Variants in PRKD1 observed in about 807,000 individuals in gnomAD.
The protein encoded by PRKD1 is protein kinase D1.
PRKD1 carries 63 observed loss-of-function variants against 95.9 expected under a neutral mutation model. That is an observed-to-expected ratio of 0.66 (90% confidence interval 0.54 to 0.81). The LOEUF is 0.81. Ranked by LOEUF, PRKD1 falls within the 30% of genes least tolerant of loss-of-function variation. PRKD1 has a pLI of 0.00. For missense variants in PRKD1, 1,048 were observed against 1,165.3 expected, an observed-to-expected ratio of 0.90 and a Z score of 1.47; for synonymous variants, 425 against 423.1, an observed-to-expected ratio of 1.00 and a Z score of -0.05.
At chr14:29,910,934 G>C (rs1373173290) in intron 1 of PRKD1, among the ~76,000 whole-genome samples, 2 of 152,134 alleles carry the variant, frequency 1.3e-5, no homozygotes, top group African/African-American at 4.8e-5. Context: ...TCCAGAAATT[G>C]TGTGGAATCA....
chr14:29,655,452 A>G (rs1265877526), intron 4 of PRKD1, among the ~76,000 whole-genome samples: 1 of 152,192 alleles, frequency 6.6e-6, no homozygotes, highest in East Asian at 1.9e-4. Flanking sequence ...CCGTAACAAG[A>G]CCATCTTAGA....
intron 4 of PRKD1, among the ~76,000 whole-genome samples, chr14:29,647,043 C>T (rs1881170485): frequency 6.6e-6 from 1 of 151,942 alleles, no homozygotes; most frequent in Non-Finnish European, 1.5e-5. Flanking sequence ...ATCTAATCAA[C>T]ACCTTTTCAC....
chr14:29,909,210 G>C (rs544048629), intron 1 of PRKD1, among the ~76,000 whole-genome samples: 6 of 152,174 alleles, frequency 3.9e-5, no homozygotes, highest in African/African-American at 1.4e-4. Context: ...TTGAATTCTC[G>C]CAGGGCCTCA....
chr14:29,884,583 A>G (rs549359188), intron 1 of PRKD1, among the ~76,000 whole-genome samples: 3 of 152,242 alleles, frequency 2.0e-5, no homozygotes, highest in Non-Finnish European at 4.4e-5. Context: ...GTCATTCAAC[A>G]AACATCTAAC....
At chr14:29,644,133 T>A (rs902980931) in intron 4 of PRKD1, among the ~76,000 whole-genome samples, 14 of 152,322 alleles carry the variant, frequency 9.2e-5, no homozygotes, top group Middle Eastern at 3.4e-3. Context: ...AATAGAAATA[T>A]TTAATATACA....
intron 2 of PRKD1, among the ~76,000 whole-genome samples, chr14:29,685,022 CCTT>C (rs1482765469): frequency 4.6e-5 from 7 of 152,170 alleles, no homozygotes; most frequent in Non-Finnish European, 1.0e-4. Flanking sequence ...AGGATGGAGT[CCTT>C]CTTTGGTGTA....
At chr14:29,588,790 TTGTGTGTGTGTGTGTGTGTGTG>T (rs34773417) in intron 16 of PRKD1, among the ~76,000 whole-genome samples, 5 of 145,326 alleles carry the variant, frequency 3.4e-5, no homozygotes, top group African/African-American at 7.6e-5. Flanking sequence ...ATTCCTAAAG[TTGTGTGTGTGTGTGTGTGTGTG>T]TGTGTGTGTG....
At chr14:29,688,943 C>A (rs1397353592) in intron 2 of PRKD1, among the ~76,000 whole-genome samples, 8 of 104,922 alleles carry the variant, frequency 7.6e-5, no homozygotes, top group Admixed American at 5.0e-4. Context: ...AGCGAGACTC[C>A]GTCTCAAAAA....
At chr14:29,604,134 T>C (rs1319474248) in intron 13 of PRKD1, among the ~76,000 whole-genome samples, 1 of 152,218 alleles carries the variant, frequency 6.6e-6, no homozygotes, top group Non-Finnish European at 1.5e-5. Flanking sequence ...ATTCTAATTT[T>C]TTTGTTTTTA....
chr14:29,847,694 C>T (rs181180068), intron 1 of PRKD1, among the ~76,000 whole-genome samples: 2 of 152,250 alleles, frequency 1.3e-5, no homozygotes, highest in African/African-American at 4.8e-5. Context: ...TCAGCTAGCC[C>T]GTTTAAGATT....
At chr14:29,842,920 G>A (rs1269576502) in intron 1 of PRKD1, among the ~76,000 whole-genome samples, 1 of 152,124 alleles carries the variant, frequency 6.6e-6, no homozygotes, top group Non-Finnish European at 1.5e-5. Flanking sequence ...GGAGCAAAAG[G>A]TCATGAAAAA....
chr14:29,669,041 C>A (rs768217725), intron 2 of PRKD1, among the ~76,000 whole-genome samples: 1 of 152,150 alleles, frequency 6.6e-6, no homozygotes, highest in Non-Finnish European at 1.5e-5. Context: ...TTATAAGCTG[C>A]ACCTTTATTT....
chr14:29,775,832 C>G (rs572730691), intron 1 of PRKD1, among the ~76,000 whole-genome samples: 1 of 152,312 alleles, frequency 6.6e-6, no homozygotes, highest in Non-Finnish European at 1.5e-5. Context: ...GATCTGAGAA[C>G]AGCCAGACCG....
intron 13 of PRKD1, among the ~76,000 whole-genome samples, chr14:29,609,994 T>C (rs946063463): frequency 3.3e-5 from 5 of 152,184 alleles, no homozygotes; most frequent in African/African-American, 1.2e-4. Flanking sequence ...AGTCCTCTCT[T>C]TTCCCTATAA....
At chr14:29,781,366 A>G (rs894254567) in intron 1 of PRKD1, among the ~76,000 whole-genome samples, 8 of 152,214 alleles carry the variant, frequency 5.3e-5, no homozygotes, top group Non-Finnish European at 8.8e-5. Flanking sequence ...GTCTCAAATT[A>G]TAAGACAGAG....
intron 16 of PRKD1, among the ~76,000 whole-genome samples, chr14:29,583,155 T>C (rs542287359): frequency 6.6e-5 from 10 of 152,274 alleles, no homozygotes; most frequent in African/African-American, 2.2e-4. Context: ...GCCTCAGACA[T>C]TCTTGGTACC....
chr14:29,778,823 G>C (rs929420330), intron 1 of PRKD1, among the ~76,000 whole-genome samples: 5 of 152,178 alleles, frequency 3.3e-5, no homozygotes, highest in Admixed American at 2.0e-4. Context: ...AAGCCTGGCA[G>C]AGACACAACA....
intron 1 of PRKD1, among the ~76,000 whole-genome samples, chr14:29,816,659 AGAAGTT>A (rs1890704987): frequency 6.6e-6 from 1 of 152,198 alleles, no homozygotes; most frequent in Non-Finnish European, 1.5e-5. Flanking sequence ...ACAAATCACC[AGAAGTT>A]CACATTTACT....
chr14:29,636,571 A>G, intron 6 of PRKD1, 77 bp from the exon 7 acceptor site: 2 of 1,425,300 alleles, frequency 1.4e-6, no homozygotes, highest in Non-Finnish European at 1.9e-6. Flanking sequence ...AGGTGATCCT[A>G]AAACAAATCA....
Sources: gnomAD v4.1 joint callset for allele counts (sites outside exome capture counted in the v4.1 genomes callset) on GRCh38, gnomAD v4.1.1 for gene constraint, MANE v1.5 for transcripts, NCBI Gene and HGNC (gene_info 2026-07-23, HGNC 2026-07-21) for gene names.